Variants in TNIP1 observed in about 807,000 individuals in gnomAD.
The protein encoded by TNIP1 is TNFAIP3 interacting protein 1, also known as TNFAIP3-interacting protein 1.
A neutral mutation model predicts 86.6 loss-of-function variants in TNIP1; 22 were observed. That is an observed-to-expected ratio of 0.25 (90% CI 0.18 to 0.36). The LOEUF (loss-of-function observed/expected upper bound fraction) is 0.36, where lower values mean the gene tolerates loss of function less well. Among genes scored for constraint, TNIP1 ranks in the 10% least tolerant of loss-of-function variants. The pLI, the probability that TNIP1 is intolerant of heterozygous loss-of-function variation, is 1.00. For missense variants in TNIP1, 709 were observed against 820.6 expected, an observed-to-expected ratio of 0.86 and a Z score of 1.66; for synonymous variants, 294 against 313.0, an observed-to-expected ratio of 0.94 and a Z score of 0.64.
chr5:151,060,455 G>A (rs1761414832), intron 4 of TNIP1, 60 bp from the exon 5 acceptor site: 2 of 1,533,862 alleles, frequency 1.3e-6, no homozygotes, highest in Non-Finnish European at 1.8e-6. Context: ...CTCCTCTGCG[G>A]CCCTGTGGCT....
chr5:151,043,076 C>T (rs541484644), intron 9 of TNIP1, 115 bp from the exon 10 acceptor site: 1 of 1,019,788 alleles, frequency 9.8e-7, no homozygotes, highest in African/African-American at 1.6e-5. Flanking sequence ...TGAATAGTGG[C>T]TACAGACACT....
In TNIP1 at chr5:151,039,090, C is replaced by T; in HGVS notation, c.1263+7G>A. The stretch of plus-strand genomic sequence containing the variant: ...CCCAGCCAAGGGACCCGGGCCAAGG[C>T]ACCCACCTTGTTGAGCCGCTGGATC... On this transcript the variant is annotated splice_region_variant and intron_variant, in intron 12 of 17. Coordinates refer to ENST00000521591, the MANE Select transcript of TNIP1 (RefSeq NM_006058.5). 2 of 1,611,456 alleles carry T rather than the reference C, an allele frequency of 1.2e-6. No homozygotes were observed. Among genetic ancestry groups the T allele is most frequent in the Non-Finnish European group, 1.7e-6 (2 of 1,178,768 alleles).
intron 1 of TNIP1, among the ~76,000 whole-genome samples, chr5:151,080,519 C>T (rs1265136774): frequency 7.1e-6 from 1 of 140,668 alleles, no homozygotes; most frequent in Non-Finnish European, 1.5e-5. Context: ...GCTTCCACAA[C>T]TTGATACGAA....
At chr5:151,057,011 C>T in intron 5 of TNIP1, 54 bp from the exon 6 acceptor site, 5 of 1,350,946 alleles carry the variant, frequency 3.7e-6, no homozygotes, top group Admixed American at 3.2e-5. Flanking sequence ...GAGTAGGCGC[C>T]GCCAGTCCAT....
intron 9 of TNIP1, 114 bp downstream of exon 9, chr5:151,045,747 A>G (rs867122595): frequency 2.0e-6 from 2 of 1,024,992 alleles, no homozygotes; most frequent in Admixed American, 3.5e-5. Flanking sequence ...CACCATGCCA[A>G]CTCCTCATGG....
chr5:151,034,956 A>C (rs1400930807), intron 15 of TNIP1, 46 bp downstream of exon 15: 1 of 1,606,478 alleles, frequency 6.2e-7, no homozygotes, highest in Admixed American at 1.7e-5. Context: ...CTCCATGAGG[A>C]AGGTAAGAGG....
intron 10 of TNIP1, 36 bp from the exon 11 acceptor site, chr5:151,042,707 G>A (rs762649713): frequency 6.2e-7 from 1 of 1,612,458 alleles, no homozygotes; most frequent in Admixed American, 1.7e-5. Context: ...TGTGAGGCAA[G>A]GATGTAGAGC....
chr5:151,042,608 G>A lies in TNIP1; in HGVS notation c.1066C>T (p.Arg356Trp), dbSNP rs548565909. 9.3e-6 allele frequency: 15 copies of A among 1,613,776 alleles called. No homozygotes were observed. The highest frequency in any genetic ancestry group is 6.7e-5 in the East Asian group (3 of 44,862). Residue 356 changes from arginine to tryptophan, a missense_variant, in exon 11 of 18, where the codon CGG (arginine) becomes TGG (tryptophan). Coordinates refer to ENST00000521591, the MANE Select transcript of TNIP1 (RefSeq NM_006058.5). ...QKQVTDLEAE[R>W]EQKQRDFDRK... The stretch of plus-strand genomic sequence containing the variant: ...TCAAAGTCACGCTGCTTCTGCTCCC[G>A]CTCGGCCTCCAGGTCAGTCACCTGC...
chr5:151,069,142 G>A lies in TNIP1; in HGVS notation c.-36-4011C>T, dbSNP rs1398876671. Among the ~76,000 whole-genome samples, 4 of 152,346 alleles carry A rather than the reference G, an allele frequency of 2.6e-5. No homozygotes were observed. In the East Asian group the frequency reaches 7.7e-4, roughly 29 times the overall value. ...GAAGGAGCCACCCACTAGCAGGCAA[G>A]CACTTGTGGGTGGCAGGGAGGCAGT... On this transcript the variant is annotated intron_variant, in intron 1 of 17. Coordinates refer to ENST00000521591, the MANE Select transcript of TNIP1 (RefSeq NM_006058.5).
At chr5:151,077,585 A>G (rs565995927) in intron 1 of TNIP1, among the ~76,000 whole-genome samples, 10 of 152,318 alleles carry the variant, frequency 6.6e-5, no homozygotes, top group African/African-American at 2.2e-4. Context: ...AGAGTGACAG[A>G]CACGGCACCT....
intron 1 of TNIP1, among the ~76,000 whole-genome samples, chr5:151,080,544 CG>C (rs1763890605): frequency 6.6e-6 from 1 of 152,240 alleles, no homozygotes; most frequent in Admixed American, 6.5e-5. Flanking sequence ...CCTGACGCCG[CG>C]TAGGCAACTC....
chr5:151,034,524 CAG>C (rs371699840), intron 15 of TNIP1: 5 of 249,612 alleles, frequency 2.0e-5, no homozygotes, highest in African/African-American at 1.5e-4. Context: ...TAAATGGACA[CAG>C]AAGGCTGGGC....
chr5:151,033,470 G>A (rs2113234464), intron 16 of TNIP1, 138 bp downstream of exon 16: 1 of 562,574 alleles, frequency 1.8e-6, no homozygotes, highest in East Asian at 3.3e-5. Context: ...GCCAGGCCCT[G>A]GACACCCACC....
In TNIP1 at chr5:151,049,056, T is replaced by C. The variant is rs112514587; in HGVS notation, c.846+768A>G. On this transcript the variant is annotated intron_variant, in intron 8 of 17. Transcript: ENST00000521591. ...TTGCATGTCCTGGGTAAACTCTACA[T>C]TGTCACACAGTAATAAGGAATTAAG... Among the ~76,000 whole-genome samples the C allele has an allele frequency of 5.9e-5, 9 of 152,292 alleles. 2 individuals carry two copies. The highest frequency in any genetic ancestry group is 2.2e-4 in the African/African-American group (9 of 41,556).
intron 13 of TNIP1, among the ~76,000 whole-genome samples, chr5:151,036,333 T>G (rs1004875712): frequency 6.6e-6 from 1 of 152,182 alleles, no homozygotes; most frequent in Admixed American, 6.5e-5. Context: ...TACCTGCCAA[T>G]CTCCTTTAAA....
chr5:151,042,662 G>A lies in TNIP1; in HGVS notation c.1012C>T (p.Leu338=). The A allele has an allele frequency of 6.2e-7, 1 of 1,613,892 alleles. No homozygotes were observed. The highest frequency in any genetic ancestry group is 8.5e-7 in the Non-Finnish European group (1 of 1,180,024). Residue 338 remains leucine, a synonymous_variant, in exon 11 of 18, where the codon CTG becomes TTG. Coordinates refer to ENST00000521591, the MANE Select transcript of TNIP1 (RefSeq NM_006058.5). ...TGCAAATCAGCCAGCTTCTGACGCA[G>A]CTCAGTGATCTGGGTTCAGAGGCAG... The part of the protein sequence containing the change: ...KQQYEQKITE[L]RQKLADLQKQ...
At chr5:151,032,572 C>A in intron 16 of TNIP1, 189 bp from the exon 17 acceptor site, 1 of 632,230 alleles carries the variant, frequency 1.6e-6, no homozygotes, top group South Asian at 1.9e-5. Flanking sequence ...TGAAGGTCAT[C>A]TAGCAAGGAG....
chr5:151,056,401 G>A (rs1760657889), intron 6 of TNIP1, among the ~76,000 whole-genome samples: 1 of 152,206 alleles, frequency 6.6e-6, no homozygotes, highest in Non-Finnish European at 1.5e-5. Flanking sequence ...CACCTGTGAA[G>A]TGGTGATAAT....
chr5:151,067,277 T>C (rs3792786), intron 1 of TNIP1, among the ~76,000 whole-genome samples: 5,632 of 152,368 alleles, frequency 0.037, 130 homozygotes, highest in African/African-American at 0.059. Flanking sequence ...TCAAAAATGT[T>C]GGCAGACATT....
Sources: allele counts gnomAD v4.1 joint callset (sites outside exome capture counted in the v4.1 genomes callset), GRCh38; gene constraint gnomAD v4.1.1; transcripts MANE v1.5; gene names NCBI Gene and HGNC (gene_info 2026-07-23, HGNC 2026-07-21).